SKI: variants seen among roughly 807,000 people sequenced by gnomAD.
The protein encoded by SKI is SKI proto-oncogene, also known as ski oncogene.
A neutral mutation model predicts 59.3 loss-of-function variants in SKI; 23 were observed. The observed-to-expected ratio is 0.39, with a 90% CI of 0.28 to 0.55. The LOEUF is 0.55. Ranked by LOEUF, SKI falls within the 20% of genes least tolerant of loss-of-function variation. The pLI, the probability that SKI is intolerant of heterozygous loss-of-function variation, is 0.67. For synonymous variants in SKI, 673 were observed against 488.6 expected (o/e 1.38, Z -4.98); for missense variants, 1,017 against 1,038.9 (o/e 0.98, Z 0.29).
chr1:2,238,750 G>A (rs551638622), intron 1 of SKI, among the ~76,000 whole-genome samples: 19 of 152,366 alleles, frequency 1.2e-4, no homozygotes, highest in Admixed American at 1.0e-3. Flanking sequence ...CCTGTGTCCT[G>A]TGGGCTGGCA....
At chr1:2,249,723 C>T (rs1639081835) in intron 1 of SKI, among the ~76,000 whole-genome samples, 1 of 152,230 alleles carries the variant, frequency 6.6e-6, no homozygotes, top group South Asian at 2.1e-4. Flanking sequence ...GCCGCGGCCT[C>T]ATGGGGCCTC....
Position 2,303,395 on chromosome 1 carries a change from A to G in SKI, c.1206A>G (p.Arg402=), listed in dbSNP as rs1181706437. Residue 402 remains arginine, a synonymous_variant, in exon 3 of 7, where the codon CGA becomes CGG. Coordinates refer to ENST00000378536, the MANE Select transcript of SKI (RefSeq NM_003036.4). This position sits in a 1 kb window ranked among gnomAD's most constrained non-coding sequence, Gnocchi z 5.6. ...ELSPHLPALI[R]DSFYSYKSFE... is the part of the protein sequence containing the mutation. The stretch of plus-strand genomic sequence containing the variant: ...CCCCACACCTCCCGGCCCTCATCCG[A>G]GACAGGTGAGTGGGCGCCATTCACA... 3 of 1,611,980 alleles carry G rather than the reference A, an allele frequency of 1.9e-6. No homozygotes were observed. The highest frequency in any genetic ancestry group is 2.5e-6 in the Non-Finnish European group (3 of 1,179,150).
At chr1:2,285,238 C>T (rs1040719032) in intron 1 of SKI, among the ~76,000 whole-genome samples, 2 of 152,098 alleles carry the variant, frequency 1.3e-5, no homozygotes, top group African/African-American at 2.4e-5. Context: ...CCAGGCCGGT[C>T]GCAGTGGCTC....
At chr1:2,297,156 G>C (rs2100905491) in intron 1 of SKI, among the ~76,000 whole-genome samples, 1 of 152,190 alleles carries the variant, frequency 6.6e-6, no homozygotes, top group African/African-American at 2.4e-5. Context: ...GCTCAGGCTG[G>C]AGTGTAGTGG....
intron 1 of SKI, among the ~76,000 whole-genome samples, chr1:2,239,512 G>C (rs183420735): frequency 5.3e-5 from 8 of 152,360 alleles, no homozygotes; most frequent in Admixed American, 1.3e-4. Flanking sequence ...GGGTGTAGCC[G>C]TTGGCGGCAC....
rs1216089588 is a variant in SKI, at chr1:2,304,348, C to T, written c.1530C>T (p.Ala510=). 3 of 1,551,702 alleles carry T rather than the reference C, an allele frequency of 1.9e-6. No individual in the cohort carries two copies. Among genetic ancestry groups the T allele is most frequent in the East Asian group, 2.4e-5 (1 of 40,914 alleles). ...SSPSFTSSSS[A]KDLGSPGARA... ...CGTCCTTTACCTCATCCAGCTCCGC[C>T]AAGGACCTGGGCTCCCCGGGTGCGC... is the stretch of plus-strand genomic sequence containing the variant. Residue 510 remains alanine (A), a synonymous_variant, in exon 5 of 7, where the codon GCC becomes GCT. Coordinates refer to ENST00000378536, the MANE Select transcript of SKI (RefSeq NM_003036.4).
At chr1:2,294,032 A>T (rs530313012) in intron 1 of SKI, among the ~76,000 whole-genome samples, 17 of 152,216 alleles carry the variant, frequency 1.1e-4, no homozygotes, top group Non-Finnish European at 2.1e-4. Context: ...TGCACAGAAC[A>T]TGGAGGGGTG....
At chr1:2,297,800 C>T (rs1274583862) in intron 1 of SKI, among the ~76,000 whole-genome samples, 3 of 152,246 alleles carry the variant, frequency 2.0e-5, no homozygotes, top group South Asian at 4.1e-4. Flanking sequence ...GGAGAGGAGG[C>T]GTGGGCCCGC....
chr1:2,298,233 C>T (rs1327343913), intron 1 of SKI, among the ~76,000 whole-genome samples: 2 of 152,196 alleles, frequency 1.3e-5, no homozygotes, highest in Non-Finnish European at 1.5e-5. Flanking sequence ...GCACACTGGC[C>T]GCTGGACACT....
At position 2,307,078 on chromosome 1, in the gene SKI, A is replaced by G. The variant is rs1352537832; in HGVS notation, c.*313A>G. On this transcript the variant is annotated 3_prime_UTR_variant, in exon 7 of 7. Coordinates refer to ENST00000378536, the MANE Select transcript of SKI (RefSeq NM_003036.4). Reference sequence around the variant, plus strand: ...TTGTTATAAGCTATTTAAAACCAGTAAGGAGACTTGAAATTCAGAAAATCA... The same window carrying G: ...TTGTTATAAGCTATTTAAAACCAGTGAGGAGACTTGAAATTCAGAAAATCA... 1 of 193,894 alleles carries G rather than the reference A, an allele frequency of 5.2e-6. No individual in the cohort carries two copies. Among genetic ancestry groups the G allele is most frequent in the East Asian group, 1.2e-4 (1 of 8,012 alleles). 12.0% of individuals were successfully genotyped at this position (193,894 alleles called of 1,614,324 possible).
chr1:2,259,201 C>T (rs181112264), intron 1 of SKI, among the ~76,000 whole-genome samples: 4 of 152,328 alleles, frequency 2.6e-5, no homozygotes, highest in South Asian at 4.1e-4. Context: ...CCGCCCTCGC[C>T]GGTGCTGTCT....
intron 1 of SKI, among the ~76,000 whole-genome samples, chr1:2,279,166 G>A (rs1639813773): frequency 6.6e-6 from 1 of 152,206 alleles, no homozygotes; most frequent in Non-Finnish European, 1.5e-5. Flanking sequence ...GACTCTCAGG[G>A]CGCAGTCAGT....
At chr1:2,251,583 C>G (rs1639148974) in intron 1 of SKI, among the ~76,000 whole-genome samples, 1 of 152,160 alleles carries the variant, frequency 6.6e-6, no homozygotes, top group Non-Finnish European at 1.5e-5. Flanking sequence ...TGCAGCCGCC[C>G]TCCTTTCCCT....
In SKI at chr1:2,303,692, G is replaced by A. The variant is rs1379120139; in HGVS notation, c.1212-148G>A. The A allele has an allele frequency of 1.8e-6, 2 of 1,141,520 alleles. No homozygotes were observed. Among genetic ancestry groups the A allele is most frequent in the Non-Finnish European group, 2.5e-6 (2 of 796,508 alleles). 70.7% of individuals were successfully genotyped at this position (1,141,520 alleles called of 1,614,324 possible). A position where few individuals can be genotyped will look rare whatever the true frequency, so the allele number is the denominator to read the frequency against. Reference sequence around the variant, plus strand: ...CCCAGCAAGCAGAAAACGCTTACGGGTTCTTAGGGAACTGTAAGCTTGACT... The same window carrying A: ...CCCAGCAAGCAGAAAACGCTTACGGATTCTTAGGGAACTGTAAGCTTGACT... On this transcript the variant is annotated intron_variant, in intron 3 of 6. Coordinates refer to ENST00000378536, the MANE Select transcript of SKI (RefSeq NM_003036.4). This position sits in a 1 kb window ranked among gnomAD's most constrained non-coding sequence, Gnocchi z 5.6.
rs1483195765 is a variant in SKI at position 2,270,136 on chromosome 1, A to G, written c.970-32842A>G. On this transcript the variant is annotated intron_variant, in intron 1 of 6. Coordinates refer to ENST00000378536, the MANE Select transcript of SKI (RefSeq NM_003036.4). The surrounding 1 kb of genome is among the most constrained non-coding windows in gnomAD (Gnocchi z 4.1). Reference sequence around the variant, plus strand: ...TGCTGTGCCCTGGTCATTGTCCCCTACAGCCAGGCAGTAAAGTGTGGCCAG... The same window carrying G: ...TGCTGTGCCCTGGTCATTGTCCCCTGCAGCCAGGCAGTAAAGTGTGGCCAG... Among the ~76,000 whole-genome samples the G allele has an allele frequency of 3.3e-5, 5 of 152,136 alleles. No homozygotes were observed.
At chr1:2,246,764 G>A (rs1467355545) in intron 1 of SKI, among the ~76,000 whole-genome samples, 1 of 152,188 alleles carries the variant, frequency 6.6e-6, no homozygotes, top group Non-Finnish European at 1.5e-5. Flanking sequence ...GTCTCAGAGA[G>A]TGCGGCAGTC....
chr1:2,279,714 C>A (rs1259339882), intron 1 of SKI, among the ~76,000 whole-genome samples: 1 of 152,138 alleles, frequency 6.6e-6, no homozygotes. Flanking sequence ...TTCTTTCTTC[C>A]TTATTTTATT....
chr1:2,293,431 C>CG (rs1455164522), intron 1 of SKI, among the ~76,000 whole-genome samples: 5 of 151,312 alleles, frequency 3.3e-5, no homozygotes, highest in Non-Finnish European at 7.4e-5. Context: ...GGCGAGGCCC[C>CG]CCCCCAACAT....
At chr1:2,239,966 C>T (rs1314488057) in intron 1 of SKI, among the ~76,000 whole-genome samples, 3 of 152,198 alleles carry the variant, frequency 2.0e-5, no homozygotes, top group South Asian at 2.1e-4. Flanking sequence ...TGACTGAGCT[C>T]GGCGCCTCTA....
Sources: allele counts gnomAD v4.1 joint callset (sites outside exome capture counted in the v4.1 genomes callset), GRCh38; gene constraint gnomAD v4.1.1; non-coding constraint Gnocchi (gnomAD v3.1); transcripts MANE v1.5; gene names NCBI Gene and HGNC (gene_info 2026-07-23, HGNC 2026-07-21).